POU2AF2: variants seen among roughly 807,000 people sequenced by gnomAD.
POU2AF2 encodes the protein POU domain class 2-associating factor 2.
chr11:111,266,643 A>T, the POU2AF2 span, among the ~76,000 whole-genome samples: 1 of 152,194 alleles, frequency 6.6e-6, no homozygotes, highest in Non-Finnish European at 1.5e-5. Flanking sequence ...ATAAATAGTA[A>T]TGAATAATAA....
At chr11:111,251,560 T>G in the POU2AF2 span, among the ~76,000 whole-genome samples, 1 of 152,218 alleles carries the variant, frequency 6.6e-6, no homozygotes, top group Non-Finnish European at 1.5e-5. Context: ...TCCTTACCAC[T>G]GCACACATCT....
At chr11:111,281,461 A>G in the POU2AF2 span, 2 of 1,611,972 alleles carry the variant, frequency 1.2e-6, no homozygotes, top group South Asian at 2.2e-5. Context: ...TAATTCAATA[A>G]GCAATTATTC....
chr11:111,262,978 A>C, the POU2AF2 span, among the ~76,000 whole-genome samples: 1 of 152,096 alleles, frequency 6.6e-6, no homozygotes, highest in Non-Finnish European at 1.5e-5. Context: ...TTTCATTCCA[A>C]CCTCAAGTGT....
chr11:111,271,479 T>G, the POU2AF2 span, among the ~76,000 whole-genome samples: 1 of 152,134 alleles, frequency 6.6e-6, no homozygotes, highest in African/African-American at 2.4e-5. Context: ...TGGAGTGCAG[T>G]GGCATGAATT....
the POU2AF2 span, among the ~76,000 whole-genome samples, chr11:111,284,629 T>C: frequency 2.0e-5 from 3 of 152,250 alleles, no homozygotes; most frequent in Non-Finnish European, 4.4e-5. Flanking sequence ...GCAGGATTTA[T>C]ATCCATTTTG....
chr11:111,275,112 G>A, the POU2AF2 span, among the ~76,000 whole-genome samples: 23 of 152,314 alleles, frequency 1.5e-4, no homozygotes, highest in African/African-American at 5.1e-4. Context: ...GCTGGAAAAT[G>A]TTGGGAGTCA....
At chr11:111,284,233 C>T in the POU2AF2 span, 2 of 1,614,232 alleles carry the variant, frequency 1.2e-6, no homozygotes, top group Non-Finnish European at 1.7e-6. Context: ...ATGCGGCTCT[C>T]CTGGAGCCCT....
the POU2AF2 span, among the ~76,000 whole-genome samples, chr11:111,283,296 G>C: frequency 2.6e-5 from 4 of 152,008 alleles, no homozygotes; most frequent in African/African-American, 9.7e-5. Flanking sequence ...TGATCCGCCA[G>C]CCTGGGCCTC....
the POU2AF2 span, chr11:111,285,979 C>G: frequency 1.9e-6 from 3 of 1,614,098 alleles, no homozygotes; most frequent in Middle Eastern, 3.3e-4. Flanking sequence ...CCGGTTCCCT[C>G]CATGACCCTT....
the POU2AF2 span, among the ~76,000 whole-genome samples, chr11:111,272,729 T>G: frequency 6.6e-6 from 1 of 152,246 alleles, no homozygotes; most frequent in Non-Finnish European, 1.5e-5. Flanking sequence ...CTCTTTGTAT[T>G]TCTGGAAACT....
At chr11:111,266,312 T>C in the POU2AF2 span, among the ~76,000 whole-genome samples, 4 of 152,116 alleles carry the variant, frequency 2.6e-5, no homozygotes, top group Non-Finnish European at 5.9e-5. Context: ...CTGTTTCTCC[T>C]CCTGACTCAG....
the POU2AF2 span, among the ~76,000 whole-genome samples, chr11:111,276,308 C>T: frequency 1.1e-4 from 16 of 151,320 alleles, no homozygotes; most frequent in African/African-American, 3.9e-4. Flanking sequence ...AGACCAATAG[C>T]AGATACTGGC....
At chr11:111,285,528 A>G in the POU2AF2 span, 1 of 961,336 alleles carries the variant, frequency 1.0e-6, no homozygotes, top group Non-Finnish European at 1.5e-6. Context: ...GCAGCCTGAG[A>G]GCCAGGCTTC....
chr11:111,273,226 A>AT, the POU2AF2 span, among the ~76,000 whole-genome samples: 405 of 149,638 alleles, frequency 2.7e-3, 3 homozygotes, highest in African/African-American at 9.1e-3. Context: ...CTCTATATCC[A>AT]TTTTTTTTTT....
chr11:111,258,718 A>T, the POU2AF2 span, among the ~76,000 whole-genome samples: 21 of 152,310 alleles, frequency 1.4e-4, no homozygotes, highest in African/African-American at 4.6e-4. Context: ...GACCTGTCCC[A>T]TGTCTACTAT....
chr11:111,280,057 A>ATATATATATATATATATAT, the POU2AF2 span, among the ~76,000 whole-genome samples: 6 of 76,462 alleles, frequency 7.8e-5, no homozygotes, highest in Non-Finnish European at 1.0e-4. Context: ...AAAAAAAAAA[A>ATATATATATATATATATAT]ATATATATAT....
At chr11:111,268,679 A>T in the POU2AF2 span, among the ~76,000 whole-genome samples, 1 of 151,662 alleles carries the variant, frequency 6.6e-6, no homozygotes, top group Non-Finnish European at 1.5e-5. Context: ...GACTACAGGC[A>T]CACGCCACCA....
At chr11:111,254,374 G>A in the POU2AF2 span, among the ~76,000 whole-genome samples, 1 of 152,176 alleles carries the variant, frequency 6.6e-6, no homozygotes, top group South Asian at 2.1e-4. Context: ...GGCTTTACTT[G>A]AATTAAATAA....
At chr11:111,260,583 T>G in the POU2AF2 span, among the ~76,000 whole-genome samples, 1 of 152,140 alleles carries the variant, frequency 6.6e-6, no homozygotes, top group Non-Finnish European at 1.5e-5. Flanking sequence ...ATGTGACCAC[T>G]TAAGCAGAGA....
Sources: allele counts gnomAD v4.1 joint callset (sites outside exome capture counted in the v4.1 genomes callset), GRCh38; gene constraint gnomAD v4.1.1; transcripts MANE v1.5; gene names NCBI Gene and HGNC (gene_info 2026-07-23, HGNC 2026-07-21).